The following EVL variants were observed in gnomAD, a reference collection of about 807,000 sequenced individuals.
EVL encodes Enah/Vasp-like, also known as ena/VASP-like protein.
EVL carries 21 observed loss-of-function variants against 59.6 expected under a neutral mutation model. The observed-to-expected ratio is 0.35, with a 90% CI of 0.25 to 0.51. The LOEUF is 0.51. EVL is among the 20% of genes least tolerant of loss of function. The pLI is 0.97. For missense variants in EVL, 462 were observed against 546.6 expected (o/e 0.85, Z 1.54); for synonymous variants, 198 against 203.5 (o/e 0.97, Z 0.23).
At chr14:100,123,735 C>A in intron 4 of EVL, 133 bp downstream of exon 4, 1 of 844,712 alleles carries the variant, frequency 1.2e-6, no homozygotes, top group Non-Finnish European at 1.9e-6. Flanking sequence ...CGGGAGGGTG[C>A]AAGGTGCAAG....
upstream of EVL, among the ~76,000 whole-genome samples, chr14:100,060,504 A>T (rs1339999479): frequency 4.6e-5 from 7 of 152,138 alleles, no homozygotes; most frequent in Non-Finnish European, 1.0e-4. Flanking sequence ...ACTGGATGAG[A>T]CTAAAAGTGG....
chr14:99,989,618 C>T (rs1001522124), intron 1 of EVL, among the ~76,000 whole-genome samples: 2 of 152,030 alleles, frequency 1.3e-5, no homozygotes, highest in African/African-American at 4.8e-5. Context: ...CATCTTTTAC[C>T]TTGTATATAA....
intron 3 of EVL, among the ~76,000 whole-genome samples, chr14:100,117,324 G>A (rs977355371): frequency 9.9e-5 from 15 of 152,190 alleles, no homozygotes; most frequent in African/African-American, 3.4e-4. Context: ...GCCATTGGGT[G>A]CTGGCAATGT....
chr14:100,017,455 T>C (rs1346528533), intron 1 of EVL, among the ~76,000 whole-genome samples: 7 of 152,210 alleles, frequency 4.6e-5, no homozygotes, highest in Non-Finnish European at 1.0e-4. Context: ...TGTGAGATAA[T>C]AAAGCTGATG....
chr14:100,005,316 A>G (rs950976116), intron 1 of EVL, among the ~76,000 whole-genome samples: 4 of 152,250 alleles, frequency 2.6e-5, no homozygotes, highest in African/African-American at 7.2e-5. Context: ...TAATTTTACT[A>G]AATAATTCAA....
At chr14:99,971,859 C>A (rs1233892990) in exon 1 of EVL, 6 of 147,312 alleles carry the variant, frequency 4.1e-5, no homozygotes, top group South Asian at 1.9e-4. Flanking sequence ...CCGCCGCGGC[C>A]CTTCCCCGCA....
intron 4 of EVL, among the ~76,000 whole-genome samples, chr14:100,124,747 G>A (rs1887920858): frequency 6.6e-6 from 1 of 152,160 alleles, no homozygotes; most frequent in African/African-American, 2.4e-5. Flanking sequence ...GGCTAAATGG[G>A]TACTTCATTT....
At position 100,130,522 on chromosome 14, in the gene EVL, C is replaced by G. The variant is rs1050986071; in HGVS notation, c.839+838C>G. 2.0e-5 allele frequency among the ~76,000 whole-genome samples: 3 copies of G among 152,222 alleles called. No homozygotes were observed. The highest frequency in any genetic ancestry group is 7.2e-5 in the African/African-American group (3 of 41,458). On this transcript the variant is annotated intron_variant, in intron 7 of 13. Transcript: ENST00000392920. This position sits in a 1 kb window ranked among gnomAD's most constrained non-coding sequence, Gnocchi z 4.8. ...TCCCTTGGTAACCCCACCTCCACCC[C>G]CTGCCACTTTGTCGCCTTCTCCTGG...
At position 100,010,335 on chromosome 14, in the gene EVL, G is replaced by A. The variant is rs913914513; in HGVS notation, c.5+38278G>A. Reference sequence around the variant, plus strand: ...TAGGGCGTGACTCCTAGACCCCTTAGGTAGGAATTTGGGCAAGATAAAAAA... The same window carrying A: ...TAGGGCGTGACTCCTAGACCCCTTAAGTAGGAATTTGGGCAAGATAAAAAA... On this transcript the variant is annotated intron_variant, in intron 1 of 13. Coordinates refer to the EVL transcript ENST00000402714. Among the ~76,000 whole-genome samples the A allele has an allele frequency of 9.2e-5, 14 of 152,274 alleles. No homozygotes were observed. In the South Asian group the frequency reaches 1.9e-3, roughly 20 times the overall value.
At position 100,143,959 on chromosome 14, in the gene EVL, G is replaced by A. The variant is rs187328028; in HGVS notation, c.*221G>A. Reference sequence around the variant, plus strand: ...CTGACACGGAACACCAGGTCTGCTCGTCTTTTTTGTGTTTTATATTTGCTT... The same window carrying A: ...CTGACACGGAACACCAGGTCTGCTCATCTTTTTTGTGTTTTATATTTGCTT... On this transcript the variant is annotated 3_prime_UTR_variant, in exon 14 of 14. Coordinates refer to ENST00000392920, the MANE Select transcript of EVL (RefSeq NM_016337.3). The A allele has an allele frequency of 1.7e-4, 93 of 549,124 alleles. 1 individual carries two copies. The highest frequency in any genetic ancestry group is 1.3e-3 in the African/African-American group (68 of 52,298). 34.0% of individuals were successfully genotyped at this position (549,124 alleles called of 1,614,324 possible). A position where few individuals can be genotyped will look rare whatever the true frequency, so the allele number is the denominator to read the frequency against.
intron 8 of EVL, among the ~76,000 whole-genome samples, 189 bp downstream of exon 8, chr14:100,132,968 T>C (rs1888532492): frequency 6.6e-6 from 1 of 152,204 alleles, no homozygotes; most frequent in Admixed American, 6.5e-5. Flanking sequence ...GCAGCAGGCC[T>C]GCCCTCACTG....
chr14:100,081,513 C>CAAAAAAA (rs34871876), intron 1 of EVL, among the ~76,000 whole-genome samples: 1 of 122,426 alleles, frequency 8.2e-6, no homozygotes, highest in African/African-American at 2.9e-5. Flanking sequence ...TTAACAACAG[C>CAAAAAAA]AAAAAAAAAA....
chr14:100,128,965 A>T (rs1888261731), intron 6 of EVL, among the ~76,000 whole-genome samples: 1 of 152,228 alleles, frequency 6.6e-6, no homozygotes, highest in African/African-American at 2.4e-5. Flanking sequence ...TGACCTTCAC[A>T]CGTGGGGCAA....
chr14:100,023,366 G>A (rs560185277), intron 1 of EVL, among the ~76,000 whole-genome samples: 119 of 145,864 alleles, frequency 8.2e-4, no homozygotes, highest in African/African-American at 2.6e-3. Context: ...CACCAAGCCC[G>A]GCTAATTTTT....
intron 3 of EVL, chr14:100,107,106 C>T (rs1424735443): frequency 5.0e-6 from 2 of 398,624 alleles, no homozygotes; most frequent in Non-Finnish European, 8.8e-6. Flanking sequence ...TGCCCGGTGC[C>T]TGGTATGTGG....
At chr14:100,034,969 T>C (rs535482095) in intron 1 of EVL, among the ~76,000 whole-genome samples, 1 of 152,332 alleles carries the variant, frequency 6.6e-6, no homozygotes, top group South Asian at 2.1e-4. Context: ...AATTGTTGTT[T>C]ACCAAGTTTA....
chr14:99,997,945 A>G (rs537916504), intron 1 of EVL, among the ~76,000 whole-genome samples: 1 of 152,288 alleles, frequency 6.6e-6, no homozygotes, highest in Admixed American at 6.5e-5. Context: ...ATAGTCTCCC[A>G]TCTGTACTGT....
Position 100,112,220 on chromosome 14 carries a change from TAC to T in EVL, c.359-11317_359-11316del, listed in dbSNP as rs758912138. ...AGAAAGCCAACTGCTGAACTTGAGA[TAC>T]AGTTTCCAGTTTGAGAGTGGACAGG... On this transcript the variant is annotated intron_variant, in intron 3 of 13. Coordinates refer to ENST00000392920, the MANE Select transcript of EVL (RefSeq NM_016337.3). 9.2e-5 allele frequency among the ~76,000 whole-genome samples: 14 copies of T among 152,356 alleles called. No individual in the cohort carries two copies. In the East Asian group the frequency reaches 2.7e-3, roughly 29 times the overall value.
At chr14:100,011,342 A>G (rs575979209) in intron 1 of EVL, among the ~76,000 whole-genome samples, 129 of 152,350 alleles carry the variant, frequency 8.5e-4, no homozygotes, top group African/African-American at 3.0e-3. Flanking sequence ...GTAAAGTTAG[A>G]TATTAATTTA....
Sources: allele counts gnomAD v4.1 joint callset (sites outside exome capture counted in the v4.1 genomes callset), GRCh38; gene constraint gnomAD v4.1.1; non-coding constraint Gnocchi (gnomAD v3.1); transcripts MANE v1.5; gene names NCBI Gene and HGNC (gene_info 2026-07-23, HGNC 2026-07-21).